Variants in ALG13 observed in about 807,000 individuals in gnomAD.
The protein encoded by ALG13 is UDP-N-acetylglucosamine transferase subunit ALG13.
In ALG13, 11 loss-of-function variants were observed where a neutral mutation model predicts 87.8. That is an observed-to-expected ratio of 0.13 (90% CI 0.08 to 0.21). The LOEUF is 0.21. Ranked by LOEUF, ALG13 falls within the 10% of genes least tolerant of loss-of-function variation. ALG13 has a pLI of 1.00. For synonymous variants in ALG13, 320 were observed against 306.3 expected (o/e 1.04, Z -0.47); for missense variants, 756 against 866.1 (o/e 0.87, Z 1.60).
At chrX:111,690,139 C>A (rs1935877259) in intron 3 of ALG13, 1 of 751,208 alleles carries the variant, frequency 1.3e-6, no homozygotes. Flanking sequence ...ACATTTACAT[C>A]TTATTAGTCC....
intron 11 of ALG13, among the ~76,000 whole-genome samples, chrX:111,721,060 T>G (rs1414644551): frequency 9.7e-6 from 1 of 103,555 alleles, no homozygotes; most frequent in Non-Finnish European, 2.0e-5. Context: ...GACGTGGTTT[T>G]TTTTTTTTTT....
At chrX:111,688,059 T>G in intron 3 of ALG13, 1 of 930,887 alleles carries the variant, frequency 1.1e-6, no homozygotes, top group Non-Finnish European at 1.4e-6. Context: ...GTAATGTGAT[T>G]AAATCAAATT....
At chrX:111,691,308 C>T (rs2147802107) in intron 3 of ALG13, among the ~76,000 whole-genome samples, 1 of 110,574 alleles carries the variant, frequency 9.0e-6, no homozygotes, top group East Asian at 2.9e-4. Context: ...ACCATGTTGG[C>T]CAGGCTAGTC....
chrX:111,732,722 T>C (rs1258679975), intron 21 of ALG13, among the ~76,000 whole-genome samples: 1 of 112,069 alleles, frequency 8.9e-6, no homozygotes, highest in Non-Finnish European at 1.9e-5. Context: ...AATTTTTGTT[T>C]TTACTGTTTA....
chrX:111,710,727 T>C (rs769490567), intron 5 of ALG13, among the ~76,000 whole-genome samples: 1 of 112,305 alleles, frequency 8.9e-6, no homozygotes, highest in African/African-American at 3.2e-5. Flanking sequence ...GATGGAGTCT[T>C]GCTCTTTCAC....
chrX:111,698,822 C>T (rs1445913468), intron 3 of ALG13, among the ~76,000 whole-genome samples: 2 of 111,277 alleles, frequency 1.8e-5, no homozygotes, highest in South Asian at 3.8e-4. Context: ...GTAATGAACA[C>T]GGGAGTGCAG....
chrX:111,736,869 C>T lies in ALG13; in HGVS notation c.2685C>T (p.His895=), dbSNP rs374572450. 2.0e-4 allele frequency: 245 copies of T among 1,200,879 alleles called. No homozygotes were observed. The highest frequency in any genetic ancestry group is 2.6e-4 in the Non-Finnish European group (230 of 891,322). Residue 895 remains histidine (H), a synonymous_variant, in exon 23 of 27, where the codon CAC becomes CAT. Coordinates refer to ENST00000394780, the MANE Select transcript of ALG13 (RefSeq NM_001099922.3). The part of the protein sequence containing the change: ...IQPLFVSPPT[H]GRPVIASPSY... ...CTCTCTTTGTATCTCCACCTACACA[C>T]GGCAGGCCAGGTAGGTTATTAGCAG...
intron 13 of ALG13, 31 bp from the exon 14 acceptor site, chrX:111,723,767 A>G: frequency 1.1e-6 from 1 of 943,733 alleles, no homozygotes; most frequent in Non-Finnish European, 1.5e-6. Context: ...ATCTGTCACT[A>G]GTCTTGAGAC....
At chrX:111,737,441 T>A (rs1293916371) in intron 23 of ALG13, among the ~76,000 whole-genome samples, 1 of 111,817 alleles carries the variant, frequency 8.9e-6, no homozygotes, top group Non-Finnish European at 1.9e-5. Flanking sequence ...TAATAAAATT[T>A]TAAATTATCA....
chrX:111,690,770 T>C (rs1204267401), intron 3 of ALG13, among the ~76,000 whole-genome samples: 1 of 101,793 alleles, frequency 9.8e-6, no homozygotes, highest in Non-Finnish European at 1.9e-5. Context: ...TGTATTCTTT[T>C]AAAGGCAAGT....
At chrX:111,717,761 C>A in intron 8 of ALG13, 85 bp from the exon 9 acceptor site, 1 of 651,671 alleles carries the variant, frequency 1.5e-6, no homozygotes, top group Non-Finnish European at 2.3e-6. Flanking sequence ...TGACTACTGA[C>A]TCAATTTCAA....
chrX:111,733,275 T>G (rs1374287907), intron 21 of ALG13, among the ~76,000 whole-genome samples: 1 of 111,194 alleles, frequency 9.0e-6, no homozygotes, highest in Non-Finnish European at 1.9e-5. Flanking sequence ...TATAGTCTTT[T>G]ATCCCTCACC....
At chrX:111,714,959 C>T (rs1458765133) in intron 8 of ALG13, among the ~76,000 whole-genome samples, 1 of 111,749 alleles carries the variant, frequency 8.9e-6, no homozygotes, top group Admixed American at 9.5e-5. Context: ...TACCAGGGAT[C>T]TTTAAACTCC....
chrX:111,696,842 G>A (rs374964655), intron 3 of ALG13, among the ~76,000 whole-genome samples: 5 of 111,082 alleles, frequency 4.5e-5, no homozygotes, highest in Admixed American at 3.8e-4. Flanking sequence ...AACTTAAAAT[G>A]TCTTTTTTAA....
At chrX:111,735,168 G>GA (rs776827081) in intron 22 of ALG13, 46 bp downstream of exon 22, 1 of 843,736 alleles carries the variant, frequency 1.2e-6, no homozygotes, top group African/African-American at 2.0e-5. Context: ...CCTGAACACA[G>GA]AAAAATGAAT....
rs1368204009 is a variant in ALG13 at position 111,736,826 on chromosome X, C to T, written c.2642C>T (p.Ser881Leu). The T allele has an allele frequency of 8.3e-7, 1 of 1,210,984 alleles. No individual in the cohort carries two copies. Among genetic ancestry groups the T allele is most frequent in the Non-Finnish European group, 1.1e-6 (1 of 894,998 alleles). Residue 881 changes from serine to leucine, a missense_variant, in exon 23 of 27, where the codon TCA becomes TTA. Coordinates refer to ENST00000394780, the MANE Select transcript of ALG13 (RefSeq NM_001099922.3). The part of the protein sequence containing the change: ...NQAISTTSVS[S>L]QNAIQPLFVS... ...GCTATTAGTACCACTTCAGTTTCCT[C>T]ACAGAATGCTATACAGCCTCTCTTT...
At chrX:111,695,524 A>G (rs1207770305) in intron 3 of ALG13, among the ~76,000 whole-genome samples, 2 of 106,113 alleles carry the variant, frequency 1.9e-5, no homozygotes, top group Non-Finnish European at 3.9e-5. Flanking sequence ...ACTCTGTTTA[A>G]AAAAAAAAAA....
intron 3 of ALG13, among the ~76,000 whole-genome samples, chrX:111,701,790 G>T (rs1217190663): frequency 2.7e-5 from 3 of 111,193 alleles, no homozygotes. Flanking sequence ...CCTTTTTAGT[G>T]TAGGCATTTA....
At chrX:111,750,140 C>T (rs1000582426) in intron 24 of ALG13, among the ~76,000 whole-genome samples, 7 of 111,372 alleles carry the variant, frequency 6.3e-5, no homozygotes, top group East Asian at 2.8e-4. Flanking sequence ...CCTTTGCTGG[C>T]GTGGTGCTTC....
Sources: allele counts gnomAD v4.1 joint callset (sites outside exome capture counted in the v4.1 genomes callset), GRCh38; gene constraint gnomAD v4.1.1; transcripts MANE v1.5; gene names NCBI Gene and HGNC (gene_info 2026-07-23, HGNC 2026-07-21).